The following GADL1 variants were observed in gnomAD, a reference collection of about 807,000 sequenced individuals.
GADL1 encodes the protein GAD like acidic amino acid decarboxylase 1, also known as acidic amino acid decarboxylase GADL1.
A neutral mutation model predicts 69.5 loss-of-function variants in GADL1; 71 were observed. The observed-to-expected ratio is 1.02, with a 90% CI of 0.84 to 1.25. GADL1 has a LOEUF of 1.25. GADL1 is among the 50% of genes most tolerant of loss of function. The pLI, the probability that GADL1 is intolerant of heterozygous loss-of-function variation, is 0.00. For synonymous variants in GADL1, 254 were observed against 214.4 expected (o/e 1.18, Z -1.62); for missense variants, 737 against 631.8 (o/e 1.17, Z -1.79).
chr3:30,755,737 ATTG>A (rs983830221), intron 14 of GADL1, among the ~76,000 whole-genome samples: 167 of 149,704 alleles, frequency 1.1e-3, no homozygotes, highest in African/African-American at 4.0e-3. Flanking sequence ...TCAATAAATA[ATTG>A]TTAAACGAAT....
intron 8 of GADL1, among the ~76,000 whole-genome samples, chr3:30,840,313 G>A (rs926631206): frequency 1.3e-4 from 20 of 152,158 alleles, no homozygotes; most frequent in Non-Finnish European, 2.5e-4. Flanking sequence ...TATGTGGTTC[G>A]CCTCTCTAAA....
intron 1 of GADL1, among the ~76,000 whole-genome samples, chr3:30,888,065 G>A (rs1698733383): frequency 7.6e-6 from 1 of 132,082 alleles, no homozygotes; most frequent in Admixed American, 7.1e-5. Context: ...CTAATACGAT[G>A]TAAGTGTTAT....
Position 30,794,297 on chromosome 3 carries a change from GT to G in GADL1, c.1250+6591del, listed in dbSNP as rs543897388. 1.2e-3 allele frequency among the ~76,000 whole-genome samples: 56 copies of G among 45,524 alleles called. No homozygotes were observed. In the South Asian group the frequency reaches 0.048, roughly 39 times the overall value. 29.9% of individuals were successfully genotyped at this position (45,524 alleles called of 152,430 possible). ...GTAGCAGAGTGGGAGTTCCTGAGCT[GT>G]TTGTTGTTGAAAAGACTTAGACATG... On this transcript the variant is annotated intron_variant, in intron 12 of 14. Coordinates refer to ENST00000282538, the MANE Select transcript of GADL1 (RefSeq NM_207359.3).
intron 9 of GADL1, among the ~76,000 whole-genome samples, chr3:30,838,346 CTTCGA>C (rs768495140): frequency 1.3e-5 from 2 of 152,156 alleles, no homozygotes; most frequent in Non-Finnish European, 2.9e-5. Flanking sequence ...TTAAAGTTAC[CTTCGA>C]TTTAAGGAAA....
At chr3:30,839,657 G>A (rs1285115895) in intron 8 of GADL1, among the ~76,000 whole-genome samples, 1 of 152,058 alleles carries the variant, frequency 6.6e-6, no homozygotes, top group Non-Finnish European at 1.5e-5. Context: ...GAGGAGATAA[G>A]GCAACCTCAC....
intron 9 of GADL1, among the ~76,000 whole-genome samples, chr3:30,838,592 A>G (rs1697910551): frequency 6.6e-6 from 1 of 152,132 alleles, no homozygotes; most frequent in African/African-American, 2.4e-5. Flanking sequence ...GCCCACATCT[A>G]CCATCCCCCC....
rs546072084 is a variant in GADL1 at position 30,791,735 on chromosome 3, C to T, written c.1251-5329G>A. Among the ~76,000 whole-genome samples, 3 of 152,186 alleles carry T rather than the reference C, an allele frequency of 2.0e-5. No individual in the cohort carries two copies. In the East Asian group the frequency reaches 5.8e-4, roughly 30 times the overall value. On this transcript the variant is annotated intron_variant, in intron 12 of 14. Transcript: ENST00000282538. ...TGGTTTGGCTGTGTCCTCACTCAAACGTCATCTTGAATTGTAGCTCCCATA... is the reference window on the plus strand; with the variant it reads ...TGGTTTGGCTGTGTCCTCACTCAAATGTCATCTTGAATTGTAGCTCCCATA...
At chr3:30,768,718 A>AT (rs1559494119) in intron 14 of GADL1, among the ~76,000 whole-genome samples, 5 of 152,156 alleles carry the variant, frequency 3.3e-5, no homozygotes, top group South Asian at 2.1e-4. Flanking sequence ...AGAAAGAAAC[A>AT]TTTGAAGTGA....
At chr3:30,881,764 A>G (rs1406709858) in intron 1 of GADL1, among the ~76,000 whole-genome samples, 2 of 151,926 alleles carry the variant, frequency 1.3e-5, no homozygotes, top group Non-Finnish European at 2.9e-5. Context: ...CCAAAAACTC[A>G]TGTTGAAATT....
intron 11 of GADL1, among the ~76,000 whole-genome samples, chr3:30,802,379 G>A (rs1168376249): frequency 1.3e-5 from 2 of 152,176 alleles, no homozygotes; most frequent in Non-Finnish European, 2.9e-5. Flanking sequence ...CACTCTCAAT[G>A]CCCTGACATG....
chr3:30,814,108 AATGTT>A (rs1229304695), intron 11 of GADL1, among the ~76,000 whole-genome samples: 1 of 152,214 alleles, frequency 6.6e-6, no homozygotes, highest in African/African-American at 2.4e-5. Flanking sequence ...TATCTCATTT[AATGTT>A]ATATTAGTTT....
chr3:30,855,226 T>C (rs1698209761), intron 3 of GADL1, among the ~76,000 whole-genome samples: 1 of 152,154 alleles, frequency 6.6e-6, no homozygotes, highest in African/African-American at 2.4e-5. Context: ...CCCTTTCTAC[T>C]GGTCAGTGTT....
chr3:30,732,431 A>G (rs1695472467), intron 14 of GADL1, among the ~76,000 whole-genome samples: 1 of 152,190 alleles, frequency 6.6e-6, no homozygotes, highest in South Asian at 2.1e-4. Context: ...CTATTTGGAT[A>G]CACGGTGACT....
At chr3:30,752,842 A>C (rs1695859074) in intron 14 of GADL1, among the ~76,000 whole-genome samples, 1 of 141,646 alleles carries the variant, frequency 7.1e-6, no homozygotes, top group Non-Finnish European at 1.6e-5. Context: ...TTAAGTTAAC[A>C]AGATAATTAA....
Position 30,833,907 on chromosome 3 carries a change from G to C in GADL1, c.996C>G (p.His332Gln). The C allele has an allele frequency of 6.2e-7, 1 of 1,612,726 alleles. No individual in the cohort carries two copies. The highest frequency in any genetic ancestry group is 1.1e-5 in the South Asian group (1 of 91,066). Residue 332 changes from histidine (H) to glutamine (Q), a missense_variant, in exon 11 of 15, where the codon CAC becomes CAG. His to Gln is a conservative substitution (Grantham distance 24, BLOSUM62 0). Coordinates refer to ENST00000282538, the MANE Select transcript of GADL1 (RefSeq NM_207359.3). ...HRADSVAWNPHKMLMAGIQCC... is the reference protein window; with the variant it reads ...HRADSVAWNPQKMLMAGIQCC... ...ACTGGATCCCAGCCATCAGCATCTT[G>C]TGTGGGTTCCAGGCCACAGAGTCAG...
chr3:30,891,019 ATTTAC>A (rs1314687708), intron 1 of GADL1, among the ~76,000 whole-genome samples: 1 of 144,800 alleles, frequency 6.9e-6, no homozygotes, highest in Non-Finnish European at 1.5e-5. Flanking sequence ...CGGCTAGAGT[ATTTAC>A]TTTGCATTCT....
chr3:30,826,537 T>G (rs1697684501), intron 11 of GADL1, among the ~76,000 whole-genome samples: 1 of 151,790 alleles, frequency 6.6e-6, no homozygotes, highest in South Asian at 2.1e-4. Flanking sequence ...ACAAAATAAA[T>G]GTAGTTTAAT....
chr3:30,887,198 A>C (rs1698721214), intron 1 of GADL1, among the ~76,000 whole-genome samples: 1 of 152,176 alleles, frequency 6.6e-6, no homozygotes, highest in Non-Finnish European at 1.5e-5. Context: ...AGGACTGAGA[A>C]GGAGGACACA....
intron 11 of GADL1, among the ~76,000 whole-genome samples, chr3:30,802,747 C>A (rs987842679): frequency 1.3e-5 from 2 of 152,056 alleles, no homozygotes; most frequent in Non-Finnish European, 2.9e-5. Flanking sequence ...AAATTATATA[C>A]CAAATATAAC....
Sources: allele counts gnomAD v4.1 joint callset (sites outside exome capture counted in the v4.1 genomes callset), GRCh38; gene constraint gnomAD v4.1.1; transcripts MANE v1.5; gene names NCBI Gene and HGNC (gene_info 2026-07-23, HGNC 2026-07-21).